PTPRD: variants seen among roughly 807,000 people sequenced by gnomAD.
The protein encoded by PTPRD is receptor-type tyrosine-protein phosphatase delta.
PTPRD carries 34 observed loss-of-function variants against 214.5 expected under a neutral mutation model. The observed-to-expected ratio is 0.16, with a 90% CI of 0.12 to 0.21. The LOEUF is 0.21. Ranked by LOEUF, PTPRD falls within the 10% of genes least tolerant of loss-of-function variation. PTPRD has a pLI of 1.00. For synonymous variants in PTPRD, 1,128 were observed against 845.7 expected (o/e 1.33, Z -5.79); for missense variants, 2,545 against 2,398.7 (o/e 1.06, Z -1.27).
chr9:8,769,843 C>T (rs1231071583), intron 11 of PTPRD, among the ~76,000 whole-genome samples: 1 of 151,630 alleles, frequency 6.6e-6, no homozygotes, highest in Non-Finnish European at 1.5e-5. Flanking sequence ...GACCGCACTC[C>T]CCTGCTCCCA....
intron 27 of PTPRD, 58 bp from the exon 28 acceptor site, chr9:8,486,407 C>G (rs574932120): frequency 1.5e-5 from 21 of 1,434,382 alleles, no homozygotes; most frequent in Non-Finnish European, 2.0e-5. Context: ...ACATTTCAGT[C>G]ATTGCCAAAT....
chr9:8,726,610 T>A (rs1199022428), intron 12 of PTPRD, among the ~76,000 whole-genome samples: 142 of 2,528 alleles, frequency 0.056, 44 homozygotes, highest in African/African-American at 0.11. Context: ...TATATATATA[T>A]ATATATATAT....
chr9:10,170,404 T>A (rs1282206841), intron 3 of PTPRD, among the ~76,000 whole-genome samples: 2 of 152,078 alleles, frequency 1.3e-5, no homozygotes, highest in African/African-American at 2.4e-5. Context: ...TTAGAAATCA[T>A]TTTTTGGCCA....
chr9:8,856,965 C>A (rs1160843776), intron 11 of PTPRD, among the ~76,000 whole-genome samples: 2 of 152,144 alleles, frequency 1.3e-5, no homozygotes, highest in Non-Finnish European at 2.9e-5. Context: ...TTGTTCGTGG[C>A]TTTCTTTTTA....
At chr9:10,146,476 A>G (rs888534788) in intron 3 of PTPRD, among the ~76,000 whole-genome samples, 7 of 152,138 alleles carry the variant, frequency 4.6e-5, no homozygotes, top group Non-Finnish European at 8.8e-5. Flanking sequence ...TGGCCGCTCC[A>G]GGAATCGGTT....
chr9:9,261,116 C>G (rs2099979929), intron 9 of PTPRD, among the ~76,000 whole-genome samples: 1 of 151,794 alleles, frequency 6.6e-6, no homozygotes, highest in African/African-American at 2.4e-5. Flanking sequence ...TATCATACCA[C>G]CAACAAGGAT....
At chr9:10,210,634 T>C (rs944169215) in intron 3 of PTPRD, among the ~76,000 whole-genome samples, 1 of 150,350 alleles carries the variant, frequency 6.7e-6, no homozygotes, top group East Asian at 1.9e-4. Context: ...ATGTAATCTG[T>C]ATATATACAT....
chr9:9,965,354 G>T (rs62536924), intron 4 of PTPRD, among the ~76,000 whole-genome samples: 1 of 152,044 alleles, frequency 6.6e-6, no homozygotes, highest in South Asian at 2.1e-4. Context: ...AGAGGAGAAG[G>T]CTTTCAAAAC....
chr9:10,069,146 T>C (rs949942734), intron 3 of PTPRD, among the ~76,000 whole-genome samples: 1 of 151,996 alleles, frequency 6.6e-6, no homozygotes, highest in Non-Finnish European at 1.5e-5. Context: ...CCCTGTGGCA[T>C]TGTGCAGCTT....
chr9:10,551,925 C>A (rs894947655), intron 2 of PTPRD, among the ~76,000 whole-genome samples: 4 of 152,180 alleles, frequency 2.6e-5, no homozygotes, highest in African/African-American at 9.7e-5. Flanking sequence ...ACTTCAAGTA[C>A]TCCCTTTCTG....
At chr9:8,968,426 G>A (rs2099213629) in intron 11 of PTPRD, among the ~76,000 whole-genome samples, 1 of 151,438 alleles carries the variant, frequency 6.6e-6, no homozygotes. Flanking sequence ...GTTGTTTCCT[G>A]ACTTTTTAAT....
At chr9:10,240,352 T>C (rs2099643521) in intron 3 of PTPRD, among the ~76,000 whole-genome samples, 1 of 151,842 alleles carries the variant, frequency 6.6e-6, no homozygotes, top group African/African-American at 2.4e-5. Context: ...ATGACCCTTA[T>C]GATAGAGAGG....
At chr9:9,838,063 C>T (rs1206094833) in intron 5 of PTPRD, among the ~76,000 whole-genome samples, 1 of 152,170 alleles carries the variant, frequency 6.6e-6, no homozygotes, top group Non-Finnish European at 1.5e-5. Context: ...ATGATGATTT[C>T]CAGTTTCATC....
intron 2 of PTPRD, among the ~76,000 whole-genome samples, chr9:10,453,670 T>C (rs780571479): frequency 2.6e-5 from 4 of 151,716 alleles, no homozygotes; most frequent in Non-Finnish European, 4.4e-5. Flanking sequence ...CTTTACTGAA[T>C]TTATTATGTC....
chr9:8,390,040 G>A (rs2088897608), intron 36 of PTPRD, among the ~76,000 whole-genome samples: 1 of 152,146 alleles, frequency 6.6e-6, no homozygotes, highest in Admixed American at 6.6e-5. Context: ...CCTCTGTAAA[G>A]TATTGCTTCT....
chr9:9,307,763 T>A (rs1957586598), intron 9 of PTPRD, among the ~76,000 whole-genome samples: 2 of 152,304 alleles, frequency 1.3e-5, no homozygotes, highest in South Asian at 2.1e-4. Context: ...ATCCTTAGCT[T>A]AACACACAGA....
chr9:8,929,887 G>C, intron 11 of PTPRD, among the ~76,000 whole-genome samples: 1 of 102,180 alleles, frequency 9.8e-6, no homozygotes, highest in African/African-American at 3.4e-5. Flanking sequence ...ATATATGTGT[G>C]TGTATATATA....
At chr9:10,598,666 ATATATGTATGTG>A (rs1329979883) in intron 2 of PTPRD, among the ~76,000 whole-genome samples, 2 of 98,324 alleles carry the variant, frequency 2.0e-5, no homozygotes, top group African/African-American at 8.0e-5. Context: ...AACCATTTTT[ATATATGTATGTG>A]TGTGTGTGTG....
intron 2 of PTPRD, among the ~76,000 whole-genome samples, chr9:10,426,330 G>C (rs2098616216): frequency 6.6e-6 from 1 of 151,128 alleles, no homozygotes; most frequent in South Asian, 2.1e-4. Context: ...TCCTTTAATT[G>C]AGCCCTCATT....
Sources: allele counts gnomAD v4.1 joint callset (sites outside exome capture counted in the v4.1 genomes callset), GRCh38; gene constraint gnomAD v4.1.1; transcripts MANE v1.5; gene names NCBI Gene and HGNC (gene_info 2026-07-23, HGNC 2026-07-21).